PDC: variants seen among roughly 807,000 people sequenced by gnomAD.
The protein encoded by PDC is 33 kDa phototransducing protein.
PDC carries 19 observed loss-of-function variants against 22.2 expected under a neutral mutation model. That is an observed-to-expected ratio of 0.86 (90% CI 0.60 to 1.26). The LOEUF is 1.26. PDC is among the 50% of genes most tolerant of loss of function. The probability of loss-of-function intolerance (pLI) is 0.00; values close to 1 mark genes in which losing one functional copy is unlikely to be tolerated. For missense variants in PDC, 274 were observed against 286.8 expected (o/e 0.96, Z 0.32); for synonymous variants, 97 against 96.2 (o/e 1.01, Z -0.05).
At position 186,444,354 on chromosome 1, in the gene PDC, T is replaced by C; in HGVS notation, c.366A>G (p.Gln122=). 6.2e-7 allele frequency: 1 copy of C among 1,614,118 alleles called. No individual in the cohort carries two copies. Among genetic ancestry groups the C allele is most frequent in the Non-Finnish European group, 8.5e-7 (1 of 1,179,988 alleles). The part of the protein sequence containing the change: ...GFVYELETGK[Q]FLETIEKELK... ...GTTCCTTTTCAATTGTTTCTAGGAA[T>C]TGCTTTCCAGTTTCCAGCTCATACA... is the stretch of plus-strand genomic sequence containing the variant. The change falls in exon 4 of 4, where the codon CAA becomes CAG. Residue 122 remains glutamine, a synonymous_variant. Transcript: ENST00000391997.
At chr1:186,454,306 G>C (rs1431383643) in intron 1 of PDC, among the ~76,000 whole-genome samples, 1 of 150,612 alleles carries the variant, frequency 6.6e-6, no homozygotes, top group Non-Finnish European at 1.5e-5. Context: ...AGCCTCCCAA[G>C]TAGCTGGGAT....
intron 1 of PDC, among the ~76,000 whole-genome samples, chr1:186,458,429 G>T (rs4007511): frequency 6.9e-6 from 1 of 145,736 alleles, no homozygotes; most frequent in African/African-American, 2.7e-5. Flanking sequence ...GTCAGTGCAC[G>T]CTGGTTGTGC....
At chr1:186,454,872 A>C (rs1221353025) in intron 1 of PDC, among the ~76,000 whole-genome samples, 2 of 152,204 alleles carry the variant, frequency 1.3e-5, no homozygotes, top group Non-Finnish European at 2.9e-5. Context: ...AGATTCAGGG[A>C]TTTTTAAGAT....
At chr1:186,447,708 A>G (rs1278251137) in intron 2 of PDC, among the ~76,000 whole-genome samples, 1 of 151,844 alleles carries the variant, frequency 6.6e-6, no homozygotes, top group East Asian at 1.9e-4. Flanking sequence ...TGTTTTATAT[A>G]TGATATATAT....
intron 1 of PDC, among the ~76,000 whole-genome samples, chr1:186,451,919 T>C (rs1662362901): frequency 6.6e-6 from 1 of 152,178 alleles, no homozygotes; most frequent in African/African-American, 2.4e-5. Context: ...ATCAACTGGG[T>C]TGCCTGTTTA....
At chr1:186,447,155 A>AC (rs1234672039) in intron 2 of PDC, among the ~76,000 whole-genome samples, 1 of 149,008 alleles carries the variant, frequency 6.7e-6, no homozygotes, top group Non-Finnish European at 1.5e-5. Context: ...TTGGCAGATT[A>AC]TTTTTTTTTT....
rs755673582 is a variant in PDC, at chr1:186,444,358, T to C, written c.362A>G (p.Lys121Arg). ...YGFVYELETG[K>R]QFLETIEKEL... is the part of the protein sequence containing the mutation. ...CTTTTCAATTGTTTCTAGGAATTGCTTTCCAGTTTCCAGCTCATACACAAA... is the reference window on the plus strand; with the variant it reads ...CTTTTCAATTGTTTCTAGGAATTGCCTTCCAGTTTCCAGCTCATACACAAA... The change falls in exon 4 of 4, where the codon AAG becomes AGG. Residue 121 changes from lysine to arginine, a missense_variant. Transcript: ENST00000391997. The C allele has an allele frequency of 3.7e-6, 6 of 1,613,982 alleles. No individual in the cohort carries two copies. The African/African-American group carries it at 5.3e-5, about 14-fold the overall frequency.
chr1:186,445,205 A>G (rs544314080), intron 3 of PDC, among the ~76,000 whole-genome samples: 4 of 152,310 alleles, frequency 2.6e-5, no homozygotes, highest in African/African-American at 4.8e-5. Flanking sequence ...TAAAGGAACA[A>G]TGGGGCATAG....
chr1:186,457,573 T>C (rs1046582128), intron 1 of PDC, among the ~76,000 whole-genome samples: 4 of 152,212 alleles, frequency 2.6e-5, no homozygotes, highest in African/African-American at 9.7e-5. Flanking sequence ...ATATATCTTT[T>C]CTGAATTTCA....
chr1:186,455,105 CAGA>C (rs960196912), intron 1 of PDC, among the ~76,000 whole-genome samples: 1 of 152,098 alleles, frequency 6.6e-6, no homozygotes, highest in African/African-American at 2.4e-5. Flanking sequence ...GCTTAAAAAA[CAGA>C]AGTTAATTTT....
chr1:186,457,944 T>G (rs1356936763), intron 1 of PDC, among the ~76,000 whole-genome samples: 6 of 152,172 alleles, frequency 3.9e-5, no homozygotes, highest in Non-Finnish European at 8.8e-5. Flanking sequence ...AATTTTGATA[T>G]AAGACACTAT....
chr1:186,446,901 G>T (rs979230025), intron 2 of PDC, among the ~76,000 whole-genome samples: 1 of 151,736 alleles, frequency 6.6e-6, no homozygotes, highest in Non-Finnish European at 1.5e-5. Context: ...CTAGAATTTT[G>T]GAAAAAATAG....
rs560403874 is a variant in PDC, at chr1:186,444,211, A to C, written c.509T>G (p.Ile170Arg). The C allele has an allele frequency of 1.2e-6, 2 of 1,614,020 alleles. No individual in the cohort carries two copies. Among genetic ancestry groups the C allele is most frequent in the Non-Finnish European group, 1.7e-6 (2 of 1,179,924 alleles). Residue 170 changes from isoleucine to arginine, a missense_variant, in exon 4 of 4, where the codon ATA (isoleucine) becomes AGA (arginine). By Grantham distance (97) the Ile-to-Arg change is moderately conservative (BLOSUM62 -3). Transcript: ENST00000391997. ...AEYPIVKFCK[I>R]KASNTGAGDR... Reference sequence around the variant, plus strand: ...CCCAGCACCTGTATTCGAAGCTTTTATTTTACAAAACTTAACTATAGGGTA... The same window carrying C: ...CCCAGCACCTGTATTCGAAGCTTTTCTTTTACAAAACTTAACTATAGGGTA...
At position 186,446,580 on chromosome 1, in the gene PDC, G is replaced by A; in HGVS notation, c.62-3C>T. On this transcript the variant is annotated splice_polypyrimidine_tract_variant and splice_region_variant and intron_variant, in intron 2 of 3. Coordinates refer to ENST00000391997, the MANE Select transcript of PDC (RefSeq NM_002597.5). ...ATCATTTATTACTCCTTTGGGTCCT[G>A]GAATGAAATTAAAAATAAATTGTTT... is the stretch of plus-strand genomic sequence containing the variant. 3 of 1,490,694 alleles carry A rather than the reference G, an allele frequency of 2.0e-6. No homozygotes were observed. The highest frequency in any genetic ancestry group is 1.4e-5 in the African/African-American group (1 of 71,682). The allele number at this position is 1,490,694 out of a possible 1,614,324, so 92.3% of individuals were successfully genotyped here.
At position 186,443,880 on chromosome 1, in the gene PDC, C is replaced by T. The variant is rs1452696764; in HGVS notation, c.*99G>A. ...AGTCATTTTTGTCAAGTTAGCATAG[C>T]CGTGCCCATACTCTGTGTTCACTAA... On this transcript the variant is annotated 3_prime_UTR_variant, in exon 4 of 4. Coordinates refer to ENST00000391997, the MANE Select transcript of PDC (RefSeq NM_002597.5). The T allele has an allele frequency of 8.5e-6, 7 of 828,314 alleles. No homozygotes were observed. In the African/African-American group the frequency reaches 8.5e-5, roughly 10 times the overall value. The allele number at this position is 828,314 out of a possible 1,614,324, so 51.3% of individuals were successfully genotyped here.
intron 2 of PDC, chr1:186,448,552 T>C (rs1347897150): frequency 4.2e-6 from 1 of 237,134 alleles, no homozygotes; most frequent in Non-Finnish European, 6.9e-6. Flanking sequence ...CCTTCCTTTT[T>C]TTCCCTGTCT....
At chr1:186,455,797 T>TCAAAAA (rs1662450376) in intron 1 of PDC, among the ~76,000 whole-genome samples, 1 of 39,356 alleles carries the variant, frequency 2.5e-5, no homozygotes, top group Non-Finnish European at 4.5e-5. Flanking sequence ...CCGTCTCTAC[T>TCAAAAA]AAAAAAAAAA....
intron 2 of PDC, among the ~76,000 whole-genome samples, chr1:186,447,669 C>T (rs944915720): frequency 6.6e-6 from 1 of 151,924 alleles, no homozygotes. Context: ...TGTATTCCTT[C>T]TTTCTCCTCT....
At chr1:186,460,296 A>C (rs1198977227) in intron 1 of PDC, among the ~76,000 whole-genome samples, 1 of 152,158 alleles carries the variant, frequency 6.6e-6, no homozygotes, top group African/African-American at 2.4e-5. Context: ...GCTTGATGAA[A>C]TCTCACACTA....
Sources: allele counts gnomAD v4.1 joint callset (sites outside exome capture counted in the v4.1 genomes callset), GRCh38; gene constraint gnomAD v4.1.1; transcripts MANE v1.5; gene names NCBI Gene and HGNC (gene_info 2026-07-23, HGNC 2026-07-21).